FGGY: variants seen among roughly 807,000 people sequenced by gnomAD.
The protein encoded by FGGY is FGGY carbohydrate kinase domain-containing protein.
In FGGY, 72 loss-of-function variants were observed where a neutral mutation model predicts 71.3. The ratio of observed to expected loss-of-function variants is 1.01; its 90% CI spans 0.84 to 1.23. The LOEUF is 1.23. Ranked by LOEUF, FGGY falls within the 50% of genes most tolerant of loss-of-function variation. The pLI, the probability that FGGY is intolerant of heterozygous loss-of-function variation, is 0.00. For missense variants in FGGY, 668 were observed against 682.3 expected, an observed-to-expected ratio of 0.98 and a Z score of 0.23; for synonymous variants, 251 against 250.3, an observed-to-expected ratio of 1.00 and a Z score of -0.02.
At chr1:59,457,689 G>A (rs1375468557) in intron 6 of FGGY, among the ~76,000 whole-genome samples, 2 of 152,142 alleles carry the variant, frequency 1.3e-5, no homozygotes, top group African/African-American at 4.8e-5. Flanking sequence ...CATACTCAAG[G>A]GGCTGTGTAT....
intron 7 of FGGY, among the ~76,000 whole-genome samples, chr1:59,531,748 G>C (rs141707547): frequency 1.3e-5 from 2 of 152,280 alleles, no homozygotes; most frequent in African/African-American, 4.8e-5. Context: ...TGAAGAGGGA[G>C]AATACTAGTA....
intron 14 of FGGY, among the ~76,000 whole-genome samples, chr1:59,700,889 A>G (rs937436971): frequency 1.3e-4 from 20 of 152,280 alleles, no homozygotes; most frequent in African/African-American, 3.4e-4. Context: ...AAATGACAGA[A>G]AGGACAGCAA....
intron 6 of FGGY, among the ~76,000 whole-genome samples, chr1:59,460,279 A>G (rs1572413442): frequency 6.6e-6 from 1 of 152,138 alleles, no homozygotes; most frequent in South Asian, 2.1e-4. Context: ...TCCCATGCCC[A>G]GGGAGCCTTG....
intron 8 of FGGY, among the ~76,000 whole-genome samples, chr1:59,563,891 T>TCTAC (rs1326711324): frequency 1.3e-5 from 2 of 152,010 alleles, no homozygotes; most frequent in African/African-American, 4.8e-5. Flanking sequence ...ACACCACACA[T>TCTAC]CTACAACCAT....
At chr1:59,494,043 G>T (rs1191060497) in intron 6 of FGGY, among the ~76,000 whole-genome samples, 3 of 152,108 alleles carry the variant, frequency 2.0e-5, no homozygotes, top group Non-Finnish European at 4.4e-5. Flanking sequence ...TGGGAGGAAG[G>T]CAGGGTTTGT....
intron 14 of FGGY, among the ~76,000 whole-genome samples, chr1:59,757,287 C>T (rs529305205): frequency 6.6e-6 from 1 of 152,274 alleles, no homozygotes; most frequent in South Asian, 2.1e-4. Flanking sequence ...GATGCTGCAC[C>T]TACCATACCA....
intron 6 of FGGY, among the ~76,000 whole-genome samples, chr1:59,511,173 G>A (rs372185091): frequency 7.9e-5 from 12 of 152,054 alleles, no homozygotes; most frequent in East Asian, 5.8e-4. Context: ...AAATGGTGTC[G>A]TCAAAGTGCT....
intron 14 of FGGY, among the ~76,000 whole-genome samples, chr1:59,680,138 C>T (rs920641086): frequency 1.3e-5 from 2 of 152,104 alleles, no homozygotes; most frequent in African/African-American, 4.8e-5. Flanking sequence ...AGCTTTCATC[C>T]CCAGGCCTCT....
At chr1:59,412,892 C>T (rs896557603) in intron 5 of FGGY, among the ~76,000 whole-genome samples, 2 of 152,148 alleles carry the variant, frequency 1.3e-5, no homozygotes, top group African/African-American at 4.8e-5. Flanking sequence ...GACATTTGAA[C>T]TGATAAGGGG....
At chr1:59,638,099 A>G (rs1311949351) in intron 10 of FGGY, 129 bp from the exon 11 acceptor site, 9 of 852,944 alleles carry the variant, frequency 1.1e-5, no homozygotes, top group Non-Finnish European at 1.7e-5. Context: ...ACAGTGGGCT[A>G]GCTTCTCTGA....
intron 14 of FGGY, among the ~76,000 whole-genome samples, chr1:59,674,773 A>G (rs1269742551): frequency 6.6e-6 from 1 of 152,182 alleles, no homozygotes; most frequent in Non-Finnish European, 1.5e-5. Flanking sequence ...CCTCCCACCA[A>G]ATTGCGAAAG....
intron 8 of FGGY, among the ~76,000 whole-genome samples, chr1:59,607,575 A>T (rs1181980604): frequency 1.3e-5 from 2 of 152,206 alleles, no homozygotes; most frequent in Non-Finnish European, 2.9e-5. Flanking sequence ...ACACCTTATC[A>T]GTTTCTTTCC....
chr1:59,542,681 C>T (rs887912605), intron 7 of FGGY, among the ~76,000 whole-genome samples: 2 of 152,018 alleles, frequency 1.3e-5, no homozygotes, highest in African/African-American at 4.8e-5. Flanking sequence ...GTCTCGAGCT[C>T]CCAATCTCAG....
intron 6 of FGGY, among the ~76,000 whole-genome samples, chr1:59,497,285 T>C (rs1439850567): frequency 6.6e-6 from 1 of 152,086 alleles, no homozygotes; most frequent in Admixed American, 6.6e-5. Flanking sequence ...GTGGAAATAA[T>C]TGCTTAAAAA....
intron 13 of FGGY, among the ~76,000 whole-genome samples, chr1:59,668,502 G>A (rs959798986): frequency 5.9e-5 from 9 of 152,158 alleles, no homozygotes; most frequent in Non-Finnish European, 1.0e-4. Flanking sequence ...CTTCTGGCCA[G>A]GTCAAAGTCC....
At chr1:59,536,123 G>A (rs547069263) in intron 7 of FGGY, among the ~76,000 whole-genome samples, 5 of 151,706 alleles carry the variant, frequency 3.3e-5, no homozygotes, top group Non-Finnish European at 5.9e-5. Context: ...TCAAATAGAT[G>A]CAATAAAAAA....
intron 7 of FGGY, among the ~76,000 whole-genome samples, chr1:59,542,537 G>A (rs2095459643): frequency 7.9e-6 from 1 of 125,918 alleles, no homozygotes; most frequent in Non-Finnish European, 1.5e-5. Flanking sequence ...TTGGCTCACT[G>A]CAACCTCCGC....
At chr1:59,667,464 A>G (rs894454535) in intron 13 of FGGY, 61 bp downstream of exon 13, 15 of 1,593,500 alleles carry the variant, frequency 9.4e-6, no homozygotes, top group Non-Finnish European at 1.3e-5. Context: ...GGGCATGGCC[A>G]AGTTCTGGGT....
At chr1:59,726,391 T>A (rs1202072471) in intron 14 of FGGY, among the ~76,000 whole-genome samples, 1 of 152,244 alleles carries the variant, frequency 6.6e-6, no homozygotes, top group East Asian at 1.9e-4. Context: ...TTGGCTTTCT[T>A]TTTTTAATGT....
Sources: allele counts gnomAD v4.1 joint callset (sites outside exome capture counted in the v4.1 genomes callset), GRCh38; gene constraint gnomAD v4.1.1; transcripts MANE v1.5; gene names NCBI Gene and HGNC (gene_info 2026-07-23, HGNC 2026-07-21).